Variants in SNRNP40 observed in about 807,000 individuals in gnomAD.
SNRNP40 encodes U5 small nuclear ribonucleoprotein 40 kDa protein.
SNRNP40 carries 21 observed loss-of-function variants against 45.8 expected under a neutral mutation model. That is an observed-to-expected ratio of 0.46 (90% CI 0.32 to 0.66). The LOEUF is 0.66. Among genes scored for constraint, SNRNP40 ranks in the 30% least tolerant of loss-of-function variants. The pLI, the probability that SNRNP40 is intolerant of heterozygous loss-of-function variation, is 0.03. For missense variants in SNRNP40, 344 were observed against 439.1 expected, an observed-to-expected ratio of 0.78 and a Z score of 1.94; for synonymous variants, 142 against 163.8, an observed-to-expected ratio of 0.87 and a Z score of 1.01.
intron 7 of SNRNP40, among the ~76,000 whole-genome samples, chr1:31,268,754 G>A (rs898153047): frequency 2.6e-5 from 4 of 152,330 alleles, no homozygotes; most frequent in South Asian, 2.1e-4. Context: ...GGGAAGAGAT[G>A]TATTCTTAGG....
At chr1:31,295,543 G>T (rs1285768593) in intron 1 of SNRNP40, among the ~76,000 whole-genome samples, 1 of 152,204 alleles carries the variant, frequency 6.6e-6, no homozygotes, top group Non-Finnish European at 1.5e-5. Context: ...AGGTCCTGAA[G>T]CAGAGGCTTG....
At chr1:31,281,080 G>T (rs1646013470) in intron 5 of SNRNP40, among the ~76,000 whole-genome samples, 1 of 152,138 alleles carries the variant, frequency 6.6e-6, no homozygotes, top group Non-Finnish European at 1.5e-5. Context: ...GTTAAAAAAA[G>T]ATTTTGAATG....
rs1331313468 is a variant in SNRNP40 at position 31,295,999 on chromosome 1, T to C, written c.141+612A>G. ...CTTACAAAAAATGTAGTTAGGAGCA[T>C]GGTTTCTCAGTTCGAAATCTGCTTC... On this transcript the variant is annotated intron_variant, in intron 1 of 9. Coordinates refer to ENST00000263694, the MANE Select transcript of SNRNP40 (RefSeq NM_004814.3). 2.0e-5 allele frequency among the ~76,000 whole-genome samples: 3 copies of C among 152,240 alleles called. No individual in the cohort carries two copies. In the East Asian group the frequency reaches 5.8e-4, roughly 29 times the overall value.
chr1:31,277,110 T>C (rs776613241), intron 5 of SNRNP40, among the ~76,000 whole-genome samples: 1 of 151,996 alleles, frequency 6.6e-6, no homozygotes, highest in Admixed American at 6.6e-5. Flanking sequence ...GGTGAGAGAA[T>C]TGCTTGAGCC....
intron 7 of SNRNP40, 72 bp from the exon 8 acceptor site, chr1:31,268,004 A>C (rs1645911432): frequency 1.8e-5 from 19 of 1,055,252 alleles, no homozygotes; most frequent in Non-Finnish European, 2.6e-5. Flanking sequence ...AATCACTAAG[A>C]GGCTTTAAAT....
At chr1:31,269,120 A>G in intron 7 of SNRNP40, 38 bp downstream of exon 7, 1 of 1,529,248 alleles carries the variant, frequency 6.5e-7, no homozygotes, top group Non-Finnish European at 8.8e-7. Context: ...TCTCTGAAGT[A>G]AATGAACAGT....
intron 5 of SNRNP40, among the ~76,000 whole-genome samples, chr1:31,280,352 C>A (rs1383478235): frequency 1.3e-5 from 2 of 151,682 alleles, no homozygotes; most frequent in African/African-American, 4.8e-5. Context: ...TCAGTAGAGA[C>A]GAGGTTTCAC....
intron 3 of SNRNP40, among the ~76,000 whole-genome samples, chr1:31,290,608 T>C (rs1435800334): frequency 6.6e-6 from 1 of 152,190 alleles, no homozygotes. Context: ...CCAGGTGCGG[T>C]GGCTCACACT....
intron 9 of SNRNP40, among the ~76,000 whole-genome samples, 182 bp from the exon 10 acceptor site, chr1:31,260,303 T>C (rs534257812): frequency 6.6e-6 from 1 of 152,142 alleles, no homozygotes; most frequent in Non-Finnish European, 1.5e-5. Flanking sequence ...TCCTCTAATA[T>C]CATGAGGATG....
chr1:31,268,224 A>AT (rs1313760312), intron 7 of SNRNP40, among the ~76,000 whole-genome samples: 12 of 150,824 alleles, frequency 8.0e-5, no homozygotes, highest in South Asian at 2.1e-4. Flanking sequence ...CTTGATACTC[A>AT]TTTTTTTTCC....
intron 4 of SNRNP40, among the ~76,000 whole-genome samples, chr1:31,286,349 T>A (rs942607895): frequency 1.3e-5 from 2 of 152,168 alleles, no homozygotes; most frequent in Non-Finnish European, 2.9e-5. Context: ...ACTTATTTGA[T>A]TATGCTTCCT....
At chr1:31,293,193 T>A (rs1341638265) in intron 2 of SNRNP40, 26 bp downstream of exon 2, 17 of 1,612,558 alleles carry the variant, frequency 1.1e-5, no homozygotes, top group Non-Finnish European at 1.4e-5. Context: ...GGAAAAATTA[T>A]TCCAGATTCA....
intron 8 of SNRNP40, 49 bp from the exon 9 acceptor site, chr1:31,261,681 T>A: frequency 8.4e-7 from 1 of 1,190,540 alleles, no homozygotes; most frequent in Non-Finnish European, 1.3e-6. Flanking sequence ...GAGCTGGGGG[T>A]AGGACAGAGG....
intron 3 of SNRNP40, among the ~76,000 whole-genome samples, chr1:31,290,745 G>A (rs888926262): frequency 3.9e-5 from 6 of 152,038 alleles, no homozygotes; most frequent in Non-Finnish European, 7.4e-5. Flanking sequence ...GGGCATGGTG[G>A]CGGGCACCTG....
chr1:31,281,350 A>C, intron 5 of SNRNP40, 24 bp downstream of exon 5: 4 of 1,549,616 alleles, frequency 2.6e-6, no homozygotes, highest in Non-Finnish European at 2.6e-6. Flanking sequence ...TGAAATGGAA[A>C]TATATCATAA....
At chr1:31,291,634 G>C (rs1364894991) in intron 3 of SNRNP40, among the ~76,000 whole-genome samples, 1 of 152,140 alleles carries the variant, frequency 6.6e-6, no homozygotes, top group East Asian at 1.9e-4. Flanking sequence ...CCATGTTTGT[G>C]TCACTGCACT....
intron 7 of SNRNP40, among the ~76,000 whole-genome samples, chr1:31,268,223 C>T (rs1645912989): frequency 6.6e-6 from 1 of 151,730 alleles, no homozygotes; most frequent in African/African-American, 2.4e-5. Context: ...TCTTGATACT[C>T]ATTTTTTTTC....
rs371211437 is a variant in SNRNP40, at chr1:31,269,177, T to C, written c.839A>G (p.Asn280Ser). The C allele has an allele frequency of 3.1e-6, 5 of 1,607,654 alleles. No homozygotes were observed. In the African/African-American group the frequency reaches 5.4e-5, roughly 17 times the overall value. Reference sequence around the variant, plus strand: ...ACTCACCTTTTCAAAGTTGTGCACATTTCCTTGAAATATCTTTACACATCT... The same window carrying C: ...ACTCACCTTTTCAAAGTTGTGCACACTTCCTTGAAATATCTTTACACATCT... ...KERCVKIFQG[N>S]VHNFEKNLLR... The change falls in exon 7 of 10, where the codon AAT (asparagine) becomes AGT (serine). Residue 280 changes from asparagine (N) to serine (S), a missense_variant. Coordinates refer to ENST00000263694, the MANE Select transcript of SNRNP40 (RefSeq NM_004814.3).
At chr1:31,286,443 TCTTC>T (rs1646060054) in intron 4 of SNRNP40, among the ~76,000 whole-genome samples, 1 of 152,152 alleles carries the variant, frequency 6.6e-6, no homozygotes, top group Non-Finnish European at 1.5e-5. Flanking sequence ...CATGTGTGAC[TCTTC>T]CTTAACCAAC....
Sources: allele counts gnomAD v4.1 joint callset (sites outside exome capture counted in the v4.1 genomes callset), GRCh38; gene constraint gnomAD v4.1.1; transcripts MANE v1.5; gene names NCBI Gene and HGNC (gene_info 2026-07-23, HGNC 2026-07-21).